The following TGM3 variants were observed in gnomAD, a reference collection of about 807,000 sequenced individuals.
TGM3 encodes the protein protein-glutamine gamma-glutamyltransferase E.
Under a neutral mutation model 73.8 loss-of-function variants are expected in TGM3, and 52 were observed. That is an observed-to-expected ratio of 0.70 (90% CI 0.56 to 0.89). TGM3 has a LOEUF of 0.89. TGM3 is among the 40% of genes least tolerant of loss of function. The pLI is 0.00. For missense variants in TGM3, 928 were observed against 909.9 expected, an observed-to-expected ratio of 1.02 and a Z score of -0.26; for synonymous variants, 372 against 354.9, an observed-to-expected ratio of 1.05 and a Z score of -0.54.
chr20:2,339,180 T>TA (rs1333868846), intron 11 of TGM3, among the ~76,000 whole-genome samples: 8 of 152,082 alleles, frequency 5.3e-5, no homozygotes, highest in African/African-American at 1.9e-4. Context: ...ACCCAACCCC[T>TA]GGAAAAAGAG....
intron 10 of TGM3, among the ~76,000 whole-genome samples, chr20:2,333,723 A>C (rs1180232393): frequency 6.6e-6 from 1 of 152,154 alleles, no homozygotes; most frequent in Admixed American, 6.5e-5. Context: ...AAATCAAAAA[A>C]AATTCACAGG....
chr20:2,308,890 T>A (rs1472800953), intron 1 of TGM3, among the ~76,000 whole-genome samples: 4 of 151,894 alleles, frequency 2.6e-5, no homozygotes, highest in African/African-American at 9.7e-5. Flanking sequence ...TTTTTTTTTT[T>A]TTTTGAGACA....
rs770622298 is a variant in TGM3 at position 2,328,061 on chromosome 20, C to A, written c.1088-59C>A. Reference sequence around the variant, plus strand: ...GTGGTCCTGGAAGGCCCTGGGGAATCGGGCACTGGGTAGGTTGTGGCCTTG... The same window carrying A: ...GTGGTCCTGGAAGGCCCTGGGGAATAGGGCACTGGGTAGGTTGTGGCCTTG... On this transcript the variant is annotated intron_variant, in intron 8 of 12. Transcript: ENST00000381458. This position sits in a 1 kb window ranked among gnomAD's most constrained non-coding sequence, Gnocchi z 5.2. The A allele has an allele frequency of 2.5e-6, 4 of 1,604,188 alleles. No individual in the cohort carries two copies. The highest frequency in any genetic ancestry group is 1.7e-6 in the Non-Finnish European group (2 of 1,173,856).
chr20:2,328,963 T>C lies in TGM3; in HGVS notation c.1333+598T>C, dbSNP rs1395982940. 1.3e-5 allele frequency among the ~76,000 whole-genome samples: 2 copies of C among 152,352 alleles called. No individual in the cohort carries two copies. The highest frequency in any genetic ancestry group is 3.9e-4 in the East Asian group (2 of 5,180). On this transcript the variant is annotated intron_variant, in intron 9 of 12. Transcript: ENST00000381458. The surrounding 1 kb of genome is among the most constrained non-coding windows in gnomAD (Gnocchi z 5.2). ...CTTGGAAAGCCAGTTGCTGCGAGGC[T>C]GCCTCGACTCAATTATATTCACTGC... is the stretch of plus-strand genomic sequence containing the variant.
chr20:2,317,943 C>G (rs76067080), intron 7 of TGM3, among the ~76,000 whole-genome samples: 8 of 36,186 alleles, frequency 2.2e-4, no homozygotes, highest in African/African-American at 3.8e-4. Flanking sequence ...ATATATATAT[C>G]ATATATATAT....
intron 12 of TGM3, 110 bp from the exon 13 acceptor site, chr20:2,340,324 C>A: frequency 6.8e-7 from 1 of 1,469,848 alleles, no homozygotes; most frequent in Non-Finnish European, 9.3e-7. Context: ...GCTAAAGAAG[C>A]AGTGGCCTTG....
chr20:2,328,410 T>C lies in TGM3; in HGVS notation c.1333+45T>C, dbSNP rs772199552. 1.9e-6 allele frequency: 3 copies of C among 1,607,794 alleles called. No homozygotes were observed. The highest frequency in any genetic ancestry group is 2.6e-6 in the Non-Finnish European group (3 of 1,176,024). ...GGCAGTGCCGCGAGAGGTTCTATTG[T>C]GGGAGGATGGCTCTGAGGCTGGAGA... On this transcript the variant is annotated intron_variant, in intron 9 of 12. Coordinates refer to ENST00000381458, the MANE Select transcript of TGM3 (RefSeq NM_003245.4). The surrounding 1 kb of genome is among the most constrained non-coding windows in gnomAD (Gnocchi z 5.2).
chr20:2,312,762 C>T, intron 4 of TGM3, 136 bp from the exon 5 acceptor site: 2 of 1,259,264 alleles, frequency 1.6e-6, no homozygotes, highest in African/African-American at 1.5e-5. Context: ...TGGCTGTCCT[C>T]AGTAGCTCTC....
chr20:2,325,896 GC>G lies in TGM3; in HGVS notation c.1035del (p.Ser346ArgfsTer37). 6.3e-7 allele frequency: 1 copy of G among 1,590,104 alleles called. No homozygotes were observed. Among genetic ancestry groups the G allele is most frequent in the Non-Finnish European group, 8.6e-7 (1 of 1,167,144 alleles). ...GGCTGGTTTGTGAGGTCTGACCTGG[GC>G]CCCTCGTACGGTGGATGGCAGGTGT... ...NEGWFVRSDL[G>X]PSYGGWQVLD... On this transcript the variant is annotated frameshift_variant, in exon 8 of 13. Transcript: ENST00000381458. LOFTEE classifies it high-confidence loss of function.
At chr20:2,331,573 A>C (rs989751236) in intron 9 of TGM3, among the ~76,000 whole-genome samples, 2 of 152,184 alleles carry the variant, frequency 1.3e-5, no homozygotes, top group African/African-American at 2.4e-5. Context: ...TAATTAAGTC[A>C]GTTCTAAATC....
chr20:2,312,622 TTTTA>T (rs1450270458), intron 4 of TGM3, among the ~76,000 whole-genome samples: 1 of 152,152 alleles, frequency 6.6e-6, no homozygotes, highest in Non-Finnish European at 1.5e-5. Context: ...TTTAATAATT[TTTTA>T]TTTATTATCC....
chr20:2,337,597 A>G (rs6137717), intron 11 of TGM3, among the ~76,000 whole-genome samples: 34,367 of 151,636 alleles, frequency 0.23, 4,373 homozygotes, highest in East Asian at 0.46. Flanking sequence ...GCGGGCACCT[A>G]TAATCCCAGC....
At chr20:2,306,621 C>G (rs757500441) in intron 1 of TGM3, among the ~76,000 whole-genome samples, 47 of 151,888 alleles carry the variant, frequency 3.1e-4, no homozygotes, top group African/African-American at 1.1e-3. Flanking sequence ...GGATTACAGG[C>G]GTGCGCCACC....
At chr20:2,308,770 G>T (rs2084187532) in intron 1 of TGM3, among the ~76,000 whole-genome samples, 1 of 152,184 alleles carries the variant, frequency 6.6e-6, no homozygotes, top group African/African-American at 2.4e-5. Context: ...GTAAACATTT[G>T]CTGGATACTG....
At position 2,340,697 on chromosome 20, in the gene TGM3, G is replaced by T; in HGVS notation, c.*116G>T. On this transcript the variant is annotated 3_prime_UTR_variant, in exon 13 of 13. Transcript: ENST00000381458. ...TGGGAAACCCTCTCCATCTCCCAAGGCTGCCAGACATGGACCTCCAGGCTC... is the reference window on the plus strand; with the variant it reads ...TGGGAAACCCTCTCCATCTCCCAAGTCTGCCAGACATGGACCTCCAGGCTC... The T allele has an allele frequency of 7.1e-7, 1 of 1,412,600 alleles. No homozygotes were observed. Among genetic ancestry groups the T allele is most frequent in the Non-Finnish European group, 9.8e-7 (1 of 1,024,540 alleles). The allele number at this position is 1,412,600 out of a possible 1,614,324, so 87.5% of individuals were successfully genotyped here.
At chr20:2,299,967 G>A (rs989604289) in intron 1 of TGM3, among the ~76,000 whole-genome samples, 4 of 152,114 alleles carry the variant, frequency 2.6e-5, no homozygotes, top group Middle Eastern at 3.4e-3. Flanking sequence ...ATGCTGGCAC[G>A]CACTTGTAGT....
At chr20:2,312,280 A>T (rs577697498) in intron 4 of TGM3, among the ~76,000 whole-genome samples, 1 of 151,414 alleles carries the variant, frequency 6.6e-6, no homozygotes, top group East Asian at 2.0e-4. Context: ...CGGGCCTGTA[A>T]TCCCAGCTAC....
At chr20:2,340,040 G>GGGC in intron 12 of TGM3, 53 bp downstream of exon 12, 3 of 944,848 alleles carry the variant, frequency 3.2e-6, no homozygotes, top group African/African-American at 1.7e-5. Context: ...GGGCGGGGGG[G>GGGC]CCCTCCAGAT....
At chr20:2,322,516 A>G (rs1448865303) in intron 7 of TGM3, among the ~76,000 whole-genome samples, 3 of 152,226 alleles carry the variant, frequency 2.0e-5, no homozygotes, top group African/African-American at 7.2e-5. Flanking sequence ...TAAGTGCATC[A>G]TATTCTCTTA....
Sources: allele counts gnomAD v4.1 joint callset (sites outside exome capture counted in the v4.1 genomes callset), GRCh38; gene constraint gnomAD v4.1.1; non-coding constraint Gnocchi (gnomAD v3.1); transcripts MANE v1.5; gene names NCBI Gene and HGNC (gene_info 2026-07-23, HGNC 2026-07-21).